The following ARHGAP40 variants were observed in gnomAD, a reference collection of about 807,000 sequenced individuals.
ARHGAP40 encodes the protein Rho GTPase activating protein 40, also known as rho GTPase-activating protein 40.
Under a neutral mutation model 73.5 loss-of-function variants are expected in ARHGAP40, and 43 were observed. The observed-to-expected ratio is 0.58, with a 90% CI of 0.46 to 0.75. ARHGAP40 has a LOEUF of 0.75. ARHGAP40 is among the 30% of genes least tolerant of loss of function. The pLI is 0.00. For missense variants in ARHGAP40, 734 were observed against 861.8 expected (o/e 0.85, Z 1.86); for synonymous variants, 300 against 352.8 (o/e 0.85, Z 1.68).
intron 1 of ARHGAP40, 37 bp from the exon 2 acceptor site, chr20:38,623,322 C>A (rs1301885370): frequency 6.4e-6 from 8 of 1,248,368 alleles, no homozygotes; most frequent in Non-Finnish European, 7.3e-6. Context: ...TAAGCAGAGA[C>A]TTGCTGACCT....
At chr20:38,642,814 T>C (rs1046165865) in intron 10 of ARHGAP40, among the ~76,000 whole-genome samples, 5 of 152,222 alleles carry the variant, frequency 3.3e-5, no homozygotes, top group Non-Finnish European at 5.9e-5. Flanking sequence ...TTCTCCAAGC[T>C]TGTTTCCTTA....
chr20:38,634,664 A>C lies in ARHGAP40; in HGVS notation c.828A>C (p.Gly276=), dbSNP rs73905653. Residue 276 remains glycine, a synonymous_variant, in exon 6 of 15, where the codon GGA becomes GGC. Coordinates refer to ENST00000373345, the Ensembl canonical transcript of ARHGAP40. ...GCAGACTTGGCGTGACGAGGATAGG[A>C]GACTTGTCCCTGCAGGATATGAGGA... 1,452 of 1,305,414 alleles carry C rather than the reference A, an allele frequency of 1.1e-3. 5 individuals are homozygous for C. In the African/African-American group the frequency reaches 0.018, roughly 16 times the overall value. The allele number at this position is 1,305,414 out of a possible 1,614,324, so 80.9% of individuals were successfully genotyped here. A position where few individuals can be genotyped will look rare whatever the true frequency, so the allele number is the denominator to read the frequency against.
At chr20:38,615,854 C>T (rs774467568) in intron 1 of ARHGAP40, among the ~76,000 whole-genome samples, 2 of 152,172 alleles carry the variant, frequency 1.3e-5, no homozygotes, top group Non-Finnish European at 2.9e-5. Context: ...TTTCCCTAAG[C>T]GACGATTGTG....
chr20:38,646,079 AC>A lies in ARHGAP40; in HGVS notation c.1603del (p.Leu535Ter). ...CTTTCCTGGTCGCCCAGGTGCGAAA[AC>A]TGAACGACAGTAGCAGCAGGCGCCC... On this transcript the variant is annotated frameshift_variant, in exon 12 of 15. Transcript: ENST00000373345. LOFTEE classifies it high-confidence loss of function. The surrounding 1 kb of genome is among the most constrained non-coding windows in gnomAD (Gnocchi z 4.5). The A allele has an allele frequency of 4.6e-6, 6 of 1,304,084 alleles. No individual in the cohort carries two copies. Among genetic ancestry groups the A allele is most frequent in the Non-Finnish European group, 5.1e-6 (5 of 988,802 alleles). The allele number at this position is 1,304,084 out of a possible 1,614,324, so 80.8% of individuals were successfully genotyped here.
intron 2 of ARHGAP40, among the ~76,000 whole-genome samples, chr20:38,626,586 A>C (rs957446957): frequency 1.3e-5 from 2 of 152,208 alleles, no homozygotes; most frequent in African/African-American, 4.8e-5. Flanking sequence ...GACTTCCCAA[A>C]GGGACATCAA....
intron 11 of ARHGAP40, among the ~76,000 whole-genome samples, chr20:38,645,343 A>G (rs1054553143): frequency 3.9e-5 from 6 of 152,112 alleles, no homozygotes; most frequent in Non-Finnish European, 8.8e-5. Context: ...GGATTGTAAT[A>G]CTTCTTTTTA....
chr20:38,647,214 T>C, intron 13 of ARHGAP40, 88 bp downstream of exon 13: 3 of 1,170,448 alleles, frequency 2.6e-6, no homozygotes, highest in East Asian at 5.9e-5. Context: ...GGGTTACACA[T>C]ACTGTTGGCC....
Position 38,613,168 on chromosome 20 carries a change from T to A in ARHGAP40, c.138-10191T>A, listed in dbSNP as rs6015472. ...ATTTAAAAGGTGTGAAAATCCATTG[T>A]GTGTGTTGGGGACGTGGTGGGGGGA... On this transcript the variant is annotated intron_variant, in intron 1 of 14. Coordinates refer to ENST00000373345, the Ensembl canonical transcript of ARHGAP40. Among the ~76,000 whole-genome samples, 243 of 152,322 alleles carry A rather than the reference T, an allele frequency of 1.6e-3. 3 individuals carry two copies. The highest frequency in any genetic ancestry group is 5.3e-3 in the African/African-American group (219 of 41,568).
Position 38,609,637 on chromosome 20 carries a change from G to T in ARHGAP40, c.137+7558G>T, listed in dbSNP as rs553491568. The stretch of plus-strand genomic sequence containing the variant: ...CGCCTCTAGGAGGGCTGCAGAGAAG[G>T]CTTCCTGGAGGAGGTGATGCCTGAG... On this transcript the variant is annotated intron_variant, in intron 1 of 14. Transcript: ENST00000373345. Among the ~76,000 whole-genome samples, 125 of 152,338 alleles carry T rather than the reference G, an allele frequency of 8.2e-4. 1 individual carries two copies. The highest frequency in any genetic ancestry group is 3.4e-3 in the Middle Eastern group (1 of 294).
chr20:38,614,837 A>G (rs534921759), intron 1 of ARHGAP40: 1 of 795,330 alleles, frequency 1.3e-6, no homozygotes, highest in African/African-American at 1.7e-5. Flanking sequence ...GTGTCTCTAG[A>G]GCTCCAGAAC....
rs756769288 is a variant in ARHGAP40 at position 38,641,807 on chromosome 20, A to T, written c.1361A>T (p.Lys454Met). 4.4e-5 allele frequency: 57 copies of T among 1,289,510 alleles called. 1 individual carries two copies. The South Asian group carries it at 6.9e-4, about 16-fold the overall frequency. The allele number at this position is 1,289,510 out of a possible 1,614,324, so 79.9% of individuals were successfully genotyped here. Residue 454 changes from lysine (K) to methionine (M), a missense_variant and splice_region_variant, in exon 10 of 15, where the codon AAG (lysine) becomes ATG (methionine). Transcript: ENST00000373345. Reference sequence around the variant, plus strand: ...CCAGAACCCAACAGAAATGCCTTAAAGGTAAGAGTTACCATGCACCACCAC... The same window carrying T: ...CCAGAACCCAACAGAAATGCCTTAATGGTAAGAGTTACCATGCACCACCAC...
In ARHGAP40 at chr20:38,636,538, C is replaced by T. The variant is rs141358141; in HGVS notation, c.950-1170C>T. On this transcript the variant is annotated intron_variant, in intron 6 of 14. Transcript: ENST00000373345. Reference sequence around the variant, plus strand: ...TCAGCCTCCCAAAGTGCTGGGGTTACAGGCATGAGTCACCTTGCCTGGTGA... The same window carrying T: ...TCAGCCTCCCAAAGTGCTGGGGTTATAGGCATGAGTCACCTTGCCTGGTGA... Among the ~76,000 whole-genome samples, 869 of 152,274 alleles carry T rather than the reference C, an allele frequency of 5.7e-3. 14 individuals carry two copies. The highest frequency in any genetic ancestry group is 0.02 in the African/African-American group (837 of 41,544).
chr20:38,632,505 C>T (rs1441514684), intron 5 of ARHGAP40, among the ~76,000 whole-genome samples: 1 of 151,934 alleles, frequency 6.6e-6, no homozygotes, highest in Admixed American at 6.5e-5. Context: ...TCGTGATCCG[C>T]CAGCCTCGGC....
Position 38,643,967 on chromosome 20 carries a change from C to A in ARHGAP40, c.1569+57C>A, listed in dbSNP as rs930999792. 1.2e-5 allele frequency: 15 copies of A among 1,239,508 alleles called. No individual in the cohort carries two copies. The African/African-American group carries it at 2.2e-4, about 18-fold the overall frequency. 76.8% of individuals were successfully genotyped at this position (1,239,508 alleles called of 1,614,324 possible). Reference sequence around the variant, plus strand: ...GGGTGCAGCTGCCGTGCCGCCCCTGCTCTCCAGGAGCCTGGGCATTGTCCT... The same window carrying A: ...GGGTGCAGCTGCCGTGCCGCCCCTGATCTCCAGGAGCCTGGGCATTGTCCT... On this transcript the variant is annotated intron_variant, in intron 11 of 14. Transcript: ENST00000373345.
At chr20:38,613,640 C>A (rs1216614951) in intron 1 of ARHGAP40, among the ~76,000 whole-genome samples, 1 of 152,172 alleles carries the variant, frequency 6.6e-6, no homozygotes, top group Non-Finnish European at 1.5e-5. Flanking sequence ...TTCTTGGGCC[C>A]AGCGTGGGTC....
intron 5 of ARHGAP40, among the ~76,000 whole-genome samples, chr20:38,633,998 T>C (rs1601145271): frequency 6.6e-6 from 1 of 152,226 alleles, no homozygotes; most frequent in East Asian, 1.9e-4. Flanking sequence ...TTCTTGGGGC[T>C]TCGCTATGTG....
chr20:38,631,106 G>A (rs2088935269), intron 5 of ARHGAP40, among the ~76,000 whole-genome samples: 1 of 152,130 alleles, frequency 6.6e-6, no homozygotes, highest in African/African-American at 2.4e-5. Context: ...GAGTCTAGGA[G>A]TTTGAAACCA....
At chr20:38,629,598 G>C in exon 5 of ARHGAP40, 3 of 1,305,434 alleles carry the variant, frequency 2.3e-6, no homozygotes, top group Non-Finnish European at 3.0e-6. Context: ...CTCCTGCAGA[G>C]GAGCAGGCCA....
intron 1 of ARHGAP40, among the ~76,000 whole-genome samples, chr20:38,609,486 T>G (rs1472066689): frequency 6.6e-6 from 1 of 152,228 alleles, no homozygotes; most frequent in East Asian, 1.9e-4. Context: ...TGCTCTGTTT[T>G]GGGAGCTGGG....
Sources: gnomAD v4.1 joint callset for allele counts (sites outside exome capture counted in the v4.1 genomes callset) on GRCh38, gnomAD v4.1.1 for gene constraint, Gnocchi (gnomAD v3.1) non-coding constraint, MANE v1.5 for transcripts, NCBI Gene and HGNC (gene_info 2026-07-23, HGNC 2026-07-21) for gene names.